CACHD1: variants seen among roughly 807,000 people sequenced by gnomAD.
The protein encoded by CACHD1 is VWFA and cache domain-containing protein 1.
In CACHD1, 71 loss-of-function variants were observed where a neutral mutation model predicts 138.7. That is an observed-to-expected ratio of 0.51 (90% CI 0.42 to 0.62). The LOEUF is 0.62. CACHD1 is among the 20% of genes least tolerant of loss of function. The pLI is 0.00. For synonymous variants in CACHD1, 578 were observed against 591.5 expected, an observed-to-expected ratio of 0.98 and a Z score of 0.33; for missense variants, 1,389 against 1,625.3, an observed-to-expected ratio of 0.85 and a Z score of 2.50.
intron 2 of CACHD1, among the ~76,000 whole-genome samples, chr1:64,572,287 G>A (rs114367710): frequency 1.6e-3 from 245 of 152,270 alleles, no homozygotes; most frequent in Non-Finnish European, 2.7e-3. Flanking sequence ...CCTTGTGAAG[G>A]AATAGACGGT....
chr1:64,475,881 G>A (rs1646172208), intron 1 of CACHD1, among the ~76,000 whole-genome samples: 1 of 152,142 alleles, frequency 6.6e-6, no homozygotes, highest in Non-Finnish European at 1.5e-5. Flanking sequence ...GTCAACTAAT[G>A]ATGGAAATAG....
chr1:64,595,896 C>T (rs778543648), intron 3 of CACHD1, among the ~76,000 whole-genome samples: 5 of 152,190 alleles, frequency 3.3e-5, no homozygotes, highest in Admixed American at 6.5e-5. Flanking sequence ...CTTCCAAGGG[C>T]ATTTGAAACC....
intron 1 of CACHD1, 124 bp from the exon 2 acceptor site, chr1:64,550,470 C>A (rs746652692): frequency 3.9e-5 from 25 of 649,022 alleles, no homozygotes; most frequent in Non-Finnish European, 6.3e-5. Flanking sequence ...TGTAAAATTA[C>A]TGCATTTTAA....
intron 2 of CACHD1, among the ~76,000 whole-genome samples, chr1:64,575,766 A>G (rs1053965094): frequency 2.6e-5 from 4 of 152,194 alleles, no homozygotes; most frequent in African/African-American, 7.2e-5. Flanking sequence ...TAGGAAGCAG[A>G]CATAAATAAA....
At chr1:64,684,790 G>A (rs927631707) in intron 26 of CACHD1, among the ~76,000 whole-genome samples, 7 of 151,960 alleles carry the variant, frequency 4.6e-5, no homozygotes, top group African/African-American at 1.7e-4. Flanking sequence ...CTATATAGGT[G>A]TACCTTTTTT....
At chr1:64,637,699 C>T (rs1414948875) in intron 7 of CACHD1, among the ~76,000 whole-genome samples, 2 of 152,098 alleles carry the variant, frequency 1.3e-5, no homozygotes, top group African/African-American at 4.8e-5. Flanking sequence ...TCAGAGGAGC[C>T]CTTTTTAGCC....
intron 1 of CACHD1, among the ~76,000 whole-genome samples, chr1:64,510,617 G>A (rs966764820): frequency 3.3e-5 from 5 of 152,132 alleles, no homozygotes; most frequent in Non-Finnish European, 1.5e-5. Context: ...TGTTTCTAGT[G>A]TCTTTCTAAT....
intron 2 of CACHD1, among the ~76,000 whole-genome samples, chr1:64,556,722 A>G (rs963611911): frequency 2.0e-5 from 3 of 152,204 alleles, no homozygotes; most frequent in Non-Finnish European, 4.4e-5. Flanking sequence ...GTGGGTCTAA[A>G]TTGTCTAACA....
At chr1:64,684,368 T>TG (rs1485205161) in intron 26 of CACHD1, among the ~76,000 whole-genome samples, 23 of 146,888 alleles carry the variant, frequency 1.6e-4, no homozygotes, top group African/African-American at 5.4e-4. Context: ...TTCTTCTTTT[T>TG]TTTTTTTTTT....
At chr1:64,690,246 G>C (rs1368063431) in intron 26 of CACHD1, among the ~76,000 whole-genome samples, 1 of 152,112 alleles carries the variant, frequency 6.6e-6, no homozygotes, top group Non-Finnish European at 1.5e-5. Flanking sequence ...TTTGAGTAAT[G>C]TTTCATTGAG....
intron 1 of CACHD1, among the ~76,000 whole-genome samples, chr1:64,475,941 C>A (rs1447917743): frequency 1.3e-5 from 2 of 152,154 alleles, no homozygotes. Context: ...GACATAGAGG[C>A]ATTACACTGC....
chr1:64,577,572 C>T (rs910601599), intron 2 of CACHD1, among the ~76,000 whole-genome samples: 3 of 152,054 alleles, frequency 2.0e-5, no homozygotes, highest in African/African-American at 7.3e-5. Flanking sequence ...AGCTTTGTAA[C>T]CTTGAGCAAA....
intron 2 of CACHD1, among the ~76,000 whole-genome samples, chr1:64,572,800 C>T (rs1408163605): frequency 6.6e-6 from 1 of 152,160 alleles, no homozygotes; most frequent in Non-Finnish European, 1.5e-5. Context: ...TTCTGGTCCA[C>T]CTGCAGATCG....
intron 9 of CACHD1, 29 bp from the exon 10 acceptor site, chr1:64,652,132 T>C (rs1210338703): frequency 1.3e-6 from 2 of 1,580,172 alleles, no homozygotes; most frequent in East Asian, 4.5e-5. Context: ...TCTGCTGGTC[T>C]TTAGATTTAT....
chr1:64,605,963 C>G (rs1647323918), intron 4 of CACHD1, among the ~76,000 whole-genome samples: 1 of 152,034 alleles, frequency 6.6e-6, no homozygotes. Context: ...GGAGTGGCCT[C>G]TCTAGTATAT....
rs963182397 is a variant in CACHD1 at position 64,470,653 on chromosome 1, T to C, written c.-92T>C. 2.9e-5 allele frequency: 13 copies of C among 450,250 alleles called. No individual in the cohort carries two copies. The highest frequency in any genetic ancestry group is 4.3e-5 in the South Asian group (1 of 23,510). The allele number at this position is 450,250 out of a possible 1,614,324, so 27.9% of individuals were successfully genotyped here. On this transcript the variant is annotated 5_prime_UTR_variant, in exon 1 of 27. Transcript: ENST00000651257. This position sits in a 1 kb window ranked among gnomAD's most constrained non-coding sequence, Gnocchi z 5.2. ...GAGCCTGCAACAGAGGAAGAAACTT[T>C]TGCGGGGTGCGCCGCGCTTTTGCGG...
intron 1 of CACHD1, among the ~76,000 whole-genome samples, chr1:64,530,315 A>C: frequency 6.6e-6 from 1 of 152,158 alleles, no homozygotes; most frequent in East Asian, 1.9e-4. Flanking sequence ...GAGACTTAAG[A>C]ATAGCAACTT....
intron 2 of CACHD1, among the ~76,000 whole-genome samples, chr1:64,571,094 G>A (rs577561428): frequency 1.3e-5 from 2 of 152,096 alleles, no homozygotes; most frequent in African/African-American, 2.4e-5. Flanking sequence ...TGGCTTCATT[G>A]TTCAAAGGTA....
intron 1 of CACHD1, among the ~76,000 whole-genome samples, chr1:64,548,867 CTGCA>C (rs1424323341): frequency 1.3e-5 from 2 of 152,150 alleles, no homozygotes; most frequent in Non-Finnish European, 2.9e-5. Context: ...GATTGTTGAT[CTGCA>C]TTATGTTCAG....
Sources: allele counts gnomAD v4.1 joint callset (sites outside exome capture counted in the v4.1 genomes callset), GRCh38; gene constraint gnomAD v4.1.1; non-coding constraint Gnocchi (gnomAD v3.1); transcripts MANE v1.5; gene names NCBI Gene and HGNC (gene_info 2026-07-23, HGNC 2026-07-21).